CHIC2: variants seen among roughly 807,000 people sequenced by gnomAD.
The protein encoded by CHIC2 is cysteine rich hydrophobic domain 2.
A neutral mutation model predicts 25.9 loss-of-function variants in CHIC2; 14 were observed. The ratio of observed to expected loss-of-function variants is 0.54; its 90% CI spans 0.36 to 0.85. CHIC2 has a LOEUF of 0.85. Ranked by LOEUF, CHIC2 falls within the 40% of genes least tolerant of loss-of-function variation. The pLI, the probability that CHIC2 is intolerant of heterozygous loss-of-function variation, is 0.01. For missense variants in CHIC2, 146 were observed against 202.0 expected (o/e 0.72, Z 1.68); for synonymous variants, 70 against 72.0 (o/e 0.97, Z 0.14).
chr4:54,047,295 C>G (rs1387363827), intron 3 of CHIC2, among the ~76,000 whole-genome samples: 1 of 152,134 alleles, frequency 6.6e-6, no homozygotes, highest in Non-Finnish European at 1.5e-5. Context: ...AATCCCATTA[C>G]TGGGTATATA....
At chr4:54,062,232 A>G (rs769743360) in intron 1 of CHIC2, among the ~76,000 whole-genome samples, 4 of 152,212 alleles carry the variant, frequency 2.6e-5, no homozygotes, top group Admixed American at 6.5e-5. Context: ...TTAACTCACA[A>G]TGTAGAAAGG....
rs1715635819 is a variant in CHIC2, at chr4:54,012,904, T to G, written c.447+933A>C. On this transcript the variant is annotated intron_variant, in intron 5 of 5. Transcript: ENST00000263921. The stretch of plus-strand genomic sequence containing the variant: ...ACAGGAAAATGCTAACAGACAAAAA[T>G]GATTTTATGATAATTTACAACTAAA... Among the ~76,000 whole-genome samples the G allele has an allele frequency of 2.0e-5, 3 of 152,130 alleles. No individual in the cohort carries two copies. In the South Asian group the frequency reaches 6.2e-4, roughly 31 times the overall value.
At chr4:54,063,829 AG>A (rs923268193) in intron 1 of CHIC2, among the ~76,000 whole-genome samples, 2 of 152,318 alleles carry the variant, frequency 1.3e-5, no homozygotes, top group African/African-American at 2.4e-5. Context: ...AGACAACCAC[AG>A]GGTAACTGGG....
At position 54,010,162 on chromosome 4, in the gene CHIC2, A is replaced by T. The variant is rs1471901355; in HGVS notation, c.448-17T>A. 1 of 1,564,810 alleles carries T rather than the reference A, an allele frequency of 6.4e-7. No individual in the cohort carries two copies. Among genetic ancestry groups the T allele is most frequent in the African/African-American group, 1.4e-5 (1 of 72,734 alleles). On this transcript the variant is annotated splice_polypyrimidine_tract_variant and intron_variant, in intron 5 of 5. Coordinates refer to ENST00000263921, the MANE Select transcript of CHIC2 (RefSeq NM_012110.4). ...GAGGATGACCTGTAAAAGGAGAAGA[A>T]AAAGGTTTTAAAAGATTTAAACAAA...
intron 3 of CHIC2, among the ~76,000 whole-genome samples, chr4:54,036,101 G>C (rs1185128514): frequency 6.6e-6 from 1 of 152,094 alleles, no homozygotes; most frequent in African/African-American, 2.4e-5. Flanking sequence ...ATTAAGACTT[G>C]TTTAATTACT....
chr4:54,049,301 C>A lies in CHIC2; in HGVS notation c.124G>T (p.Gly42Ter). ...TCAGATTCAAATTTGTTGCTCAGTCCAAATCTATTTTAAAAAATAAGAAGA... is the reference window on the plus strand; with the variant it reads ...TCAGATTCAAATTTGTTGCTCAGTCAAAATCTATTTTAAAAAATAAGAAGA... ...VRGSGHVTVFGLSNKFESEFP... is the reference protein window; with the variant it reads ...VRGSGHVTVF The change falls in exon 2 of 6, where the codon GGA (glycine) becomes TGA (stop). Residue 42 changes from glycine to a stop codon, truncating the protein, a stop_gained. Coordinates refer to ENST00000263921, the MANE Select transcript of CHIC2 (RefSeq NM_012110.4). LOFTEE classifies it high-confidence loss of function. 6.3e-7 allele frequency: 1 copy of A among 1,577,538 alleles called. No individual in the cohort carries two copies. Among genetic ancestry groups the A allele is most frequent in the South Asian group, 1.2e-5 (1 of 85,990 alleles).
the CHIC2 span, among the ~76,000 whole-genome samples, chr4:54,090,184 A>ATT: frequency 6.6e-6 from 1 of 151,656 alleles, no homozygotes; most frequent in African/African-American, 2.4e-5. Flanking sequence ...TAATTATTTT[A>ATT]TTTTATATAT....
chr4:54,011,309 T>C (rs1715579179), intron 5 of CHIC2, among the ~76,000 whole-genome samples: 1 of 152,110 alleles, frequency 6.6e-6, no homozygotes, highest in African/African-American at 2.4e-5. Flanking sequence ...CTACTCTAGG[T>C]ATCCTGCACT....
At chr4:54,026,497 G>A (rs1286732936) in intron 3 of CHIC2, among the ~76,000 whole-genome samples, 9 of 152,098 alleles carry the variant, frequency 5.9e-5, no homozygotes, top group African/African-American at 2.2e-4. Flanking sequence ...TCCAGCCTGG[G>A]TGACAGAATG....
upstream of CHIC2, among the ~76,000 whole-genome samples, chr4:54,068,348 A>G (rs1408439195): frequency 6.6e-6 from 1 of 152,146 alleles, no homozygotes; most frequent in African/African-American, 2.4e-5. Context: ...GTGCCCTCAT[A>G]AAAGAGGCCC....
intron 1 of CHIC2, among the ~76,000 whole-genome samples, chr4:54,052,018 A>T (rs1717019526): frequency 6.6e-6 from 1 of 152,166 alleles, no homozygotes; most frequent in Non-Finnish European, 1.5e-5. Context: ...GTCTTCTTTC[A>T]TATAGCATGC....
chr4:54,021,895 C>T (rs1402970314), intron 3 of CHIC2, among the ~76,000 whole-genome samples: 2 of 152,014 alleles, frequency 1.3e-5, no homozygotes, highest in African/African-American at 2.4e-5. Context: ...CTTAATTAAC[C>T]TCGCCTTCAA....
the CHIC2 span, among the ~76,000 whole-genome samples, chr4:54,084,680 C>T: frequency 6.6e-6 from 1 of 152,074 alleles, no homozygotes; most frequent in Non-Finnish European, 1.5e-5. Flanking sequence ...TGGCTTACAC[C>T]TGTAATCCCA....
chr4:54,031,499 TAAG>T (rs936802880), intron 3 of CHIC2, among the ~76,000 whole-genome samples: 2 of 151,896 alleles, frequency 1.3e-5, no homozygotes, highest in Non-Finnish European at 2.9e-5. Flanking sequence ...ATACAGTAGT[TAAG>T]AAGACAAACA....
At chr4:54,025,920 G>A (rs1297312413) in intron 3 of CHIC2, among the ~76,000 whole-genome samples, 1 of 151,872 alleles carries the variant, frequency 6.6e-6, no homozygotes, top group Admixed American at 6.6e-5. Context: ...AAAATCACCT[G>A]CTGATGGATG....
intron 3 of CHIC2, among the ~76,000 whole-genome samples, chr4:54,020,051 A>C (rs1336990026): frequency 6.6e-6 from 1 of 152,236 alleles, no homozygotes; most frequent in Non-Finnish European, 1.5e-5. Context: ...AAATATATGT[A>C]ATTACAAAAG....
intron 3 of CHIC2, among the ~76,000 whole-genome samples, chr4:54,046,371 G>A (rs1258891062): frequency 6.6e-6 from 1 of 152,110 alleles, no homozygotes; most frequent in East Asian, 1.9e-4. Context: ...GAACAAAGCT[G>A]GAGGCATCAC....
chr4:54,023,686 T>C (rs1184510891), intron 3 of CHIC2, among the ~76,000 whole-genome samples: 1 of 152,180 alleles, frequency 6.6e-6, no homozygotes, highest in Non-Finnish European at 1.5e-5. Context: ...TGCTATAGTA[T>C]CTTCCACATC....
At chr4:54,078,047 T>C in the CHIC2 span, among the ~76,000 whole-genome samples, 7 of 152,350 alleles carry the variant, frequency 4.6e-5, no homozygotes, top group East Asian at 1.3e-3. Context: ...GATGATAATC[T>C]CAGATCAACT....
Sources: gnomAD v4.1 joint callset for allele counts (sites outside exome capture counted in the v4.1 genomes callset) on GRCh38, gnomAD v4.1.1 for gene constraint, MANE v1.5 for transcripts, NCBI Gene and HGNC (gene_info 2026-07-23, HGNC 2026-07-21) for gene names.